The following CHST5 variants were observed in gnomAD, a reference collection of about 807,000 sequenced individuals.
CHST5 encodes carbohydrate sulfotransferase 5, also known as GST4-alpha.
For missense variants in CHST5, 637 were observed against 602.1 expected (o/e 1.06, Z -0.61); for synonymous variants, 313 against 279.2 (o/e 1.12, Z -1.21).
Position 75,531,490 on chromosome 16 carries a change from A to C in CHST5, c.-1106T>G. 3.1e-6 allele frequency: 4 copies of C among 1,289,678 alleles called. No individual in the cohort carries two copies. The highest frequency in any genetic ancestry group is 4.1e-6 in the Non-Finnish European group (4 of 980,064). The allele number at this position is 1,289,678 out of a possible 1,614,324, so 79.9% of individuals were successfully genotyped here. ...CCTGGAGCCCTGTGGGTTTGCAAGA[A>C]GATCAGTTGATGGGGAGCTGGGATG... On this transcript the variant is annotated 5_prime_UTR_variant, in exon 4 of 4. Coordinates refer to ENST00000336257, the MANE Select transcript of CHST5 (RefSeq NM_024533.5).
chr16:75,529,187 G>C lies in CHST5; in HGVS notation c.1198C>G (p.Arg400Gly). ...GCCCAGCTGAAGTGGTCTGGGCCTC[G>C]TGGCAGCACCAGATCCAGGGTGAGG... ...RDLTLDLVLPRGPDHFSWASP... is the reference protein window; with the variant it reads ...RDLTLDLVLPGGPDHFSWASP... The change falls in exon 4 of 4, where the codon CGA becomes GGA. Residue 400 changes from arginine (R) to glycine (G), a missense_variant. Coordinates refer to ENST00000336257, the MANE Select transcript of CHST5 (RefSeq NM_024533.5). 1 of 1,604,790 alleles carries C rather than the reference G, an allele frequency of 6.2e-7. No homozygotes were observed. The highest frequency in any genetic ancestry group is 8.5e-7 in the Non-Finnish European group (1 of 1,174,486).
In CHST5 at chr16:75,529,543, T is replaced by A; in HGVS notation, c.842A>T (p.Lys281Met). 1 of 1,609,906 alleles carries A rather than the reference T, an allele frequency of 6.2e-7. No individual in the cohort carries two copies. Among genetic ancestry groups the A allele is most frequent in the African/African-American group, 1.3e-5 (1 of 75,014 alleles). Residue 281 changes from lysine (K) to methionine (M), a missense_variant, in exon 4 of 4, where the codon AAG becomes ATG. Physicochemically the swap from Lys to Met is moderately conservative, Grantham distance 95 (BLOSUM62 -1). Coordinates refer to ENST00000336257, the MANE Select transcript of CHST5 (RefSeq NM_024533.5). ...HVRIAEAATLKPPPFLRGRYR... is the reference protein window; with the variant it reads ...HVRIAEAATLMPPPFLRGRYR... ...GCGGCCGCGCAGGAAGGGTGGCGGCTTGAGTGTGGCGGCCTCGGCGATGCG... is the reference window on the plus strand; with the variant it reads ...GCGGCCGCGCAGGAAGGGTGGCGGCATGAGTGTGGCGGCCTCGGCGATGCG...
intron 2 of CHST5, among the ~76,000 whole-genome samples, chr16:75,533,980 A>G (rs543891430): frequency 6.7e-6 from 1 of 148,162 alleles, no homozygotes; most frequent in South Asian, 2.2e-4. Context: ...CACAGGTTAC[A>G]GTGGCCGAGA....
chr16:75,532,085 TG>T (rs968075948), intron 3 of CHST5, among the ~76,000 whole-genome samples: 1 of 152,140 alleles, frequency 6.6e-6, no homozygotes, highest in African/African-American at 2.4e-5. Flanking sequence ...GGGGAGGGCC[TG>T]GGGAAGCATT....
In CHST5 at chr16:75,529,741, A is replaced by G. The variant is rs1182267165; in HGVS notation, c.644T>C (p.Leu215Pro). ...VLYPLLSDPA[L>P]NLRIVHLVRD... ...CACCAGGTGCACGATGCGCAGGTTG[A>G]GCGCGGGGTCGCTGAGCAGCGGGTA... Residue 215 changes from leucine to proline, a missense_variant, in exon 4 of 4, where the codon CTC (leucine) becomes CCC (proline). Transcript: ENST00000336257. 2 of 1,613,160 alleles carry G rather than the reference A, an allele frequency of 1.2e-6. No homozygotes were observed. Among genetic ancestry groups the G allele is most frequent in the East Asian group, 4.5e-5 (2 of 44,852 alleles).
In CHST5 at chr16:75,530,045, C is replaced by T. The variant is rs572591635; in HGVS notation, c.340G>A (p.Val114Met). 7 of 1,613,432 alleles carry T rather than the reference C, an allele frequency of 4.3e-6. No individual in the cohort carries two copies. Among genetic ancestry groups the T allele is most frequent in the Middle Eastern group, 1.6e-4 (1 of 6,062 alleles). Residue 114 changes from valine to methionine, a missense_variant, in exon 4 of 4, where the codon GTG (valine) becomes ATG (methionine). Transcript: ENST00000336257. ...AAGATAGAGCGCATCAGGTCGCGCA[C>T]GGCCATGTGCAGCGTTGCCGCGCTG... ...QGSAATLHMA[V>M]RDLMRSIFLC...
At chr16:75,535,811 G>T (rs1387471515) in intron 1 of CHST5, among the ~76,000 whole-genome samples, 4 of 152,206 alleles carry the variant, frequency 2.6e-5, no homozygotes, top group African/African-American at 9.6e-5. Flanking sequence ...GTCAAAGGAC[G>T]CTGGCAGAGT....
Position 75,529,923 on chromosome 16 carries a change from C to T in CHST5, c.462G>A (p.Pro154=). ...CTCGGGGAAAGGCGCTGCAGGCGGG[C>T]GGCGAGCACAGCGCGCGGCTCGTTG... ...NWATSRALCS[P]PACSAFPRGT... Residue 154 remains proline (P), a synonymous_variant, in exon 4 of 4, where the codon CCG becomes CCA. Transcript: ENST00000336257. 1 of 1,613,180 alleles carries T rather than the reference C, an allele frequency of 6.2e-7. No individual in the cohort carries two copies. The highest frequency in any genetic ancestry group is 1.7e-5 in the Admixed American group (1 of 60,006).
Position 75,530,192 on chromosome 16 carries a change from CG to C in CHST5, c.192del (p.His64GlnfsTer28). The C allele has an allele frequency of 6.2e-7, 1 of 1,613,652 alleles. No individual in the cohort carries two copies. ...GAGCGCCACGAGGACAGCACCAGCA[CG>C]TGCACACGATCCTCGCCGCCGGCTG... Reference protein sequence around the residue: ...SSPAGGEDRVHVLVLSSWRSG... With the variant: ...SSPAGGEDRVXVLVLSSWRSG... On this transcript the variant is annotated frameshift_variant, in exon 4 of 4. Coordinates refer to ENST00000336257, the MANE Select transcript of CHST5 (RefSeq NM_024533.5). LOFTEE classifies it low-confidence loss of function (END_TRUNC).
Position 75,529,226 on chromosome 16 carries a change from C to G in CHST5, c.1159G>C (p.Asp387His). The G allele has an allele frequency of 6.2e-7, 1 of 1,612,780 alleles. No individual in the cohort carries two copies. Among genetic ancestry groups the G allele is most frequent in the South Asian group, 1.1e-5 (1 of 91,024 alleles). Residue 387 changes from aspartate (D) to histidine (H), a missense_variant, in exon 4 of 4, where the codon GAC becomes CAC. Physicochemically the swap from Asp to His is moderately conservative, Grantham distance 81. Coordinates refer to ENST00000336257, the MANE Select transcript of CHST5 (RefSeq NM_024533.5). ...LLGYRPVYSA[D>H]QQRDLTLDLV... ...TCCAGGGTGAGGTCACGCTGCTGGT[C>G]CGCAGAGTACACAGGCCGGTAGCCC...
At position 75,531,038 on chromosome 16, in the gene CHST5, G is replaced by T. The variant is rs2080515122; in HGVS notation, c.-654C>A. The T allele has an allele frequency of 2.0e-6, 2 of 1,000,946 alleles. No homozygotes were observed. The highest frequency in any genetic ancestry group is 1.7e-5 in the African/African-American group (1 of 57,186). 62.0% of individuals were successfully genotyped at this position (1,000,946 alleles called of 1,614,324 possible). On this transcript the variant is annotated 5_prime_UTR_variant, in exon 4 of 4. Transcript: ENST00000336257. ...TTTAACAGGCAGGTATAAAACTTTT[G>T]TCAGCCAGGCGCGGTGGCTCACGCC...
chr16:75,531,338 C>CAAA lies in CHST5; in HGVS notation c.-955_-954insTTT. ...TCCGTTTCAAAAAAAAAAAAAAAAA[C>CAAA]AACAAAAAAAAAACTTTTGTCATTA... On this transcript the variant is annotated 5_prime_UTR_variant, in exon 4 of 4. Transcript: ENST00000336257. 1.3e-6 allele frequency: 1 copy of CAAA among 779,568 alleles called. No individual in the cohort carries two copies. Among genetic ancestry groups the CAAA allele is most frequent in the African/African-American group, 2.1e-5 (1 of 46,622 alleles). The allele number at this position is 779,568 out of a possible 1,614,324, so 48.3% of individuals were successfully genotyped here.
At chr16:75,532,949 G>T in intron 3 of CHST5, 140 bp downstream of exon 3, 1 of 547,696 alleles carries the variant, frequency 1.8e-6, no homozygotes, top group Non-Finnish European at 3.2e-6. Context: ...TCTGATCCCA[G>T]GCTGTGGGCC....
rs1324804773 is a variant in CHST5, at chr16:75,533,177, G to C, written c.-1345C>G. 2 of 702,270 alleles carry C rather than the reference G, an allele frequency of 2.8e-6. No individual in the cohort carries two copies. Among genetic ancestry groups the C allele is most frequent in the Admixed American group, 2.0e-5 (1 of 49,986 alleles). 43.5% of individuals were successfully genotyped at this position (702,270 alleles called of 1,614,324 possible). A position where few individuals can be genotyped will look rare whatever the true frequency, so the allele number is the denominator to read the frequency against. ...CTCCAGAAGACCAGTTCCTCACTGG[G>C]AGCTTTCTGATAAGGAGACTTACAT... On this transcript the variant is annotated 5_prime_UTR_variant, in exon 3 of 4. Transcript: ENST00000336257.
rs1337912061 is a variant in CHST5, at chr16:75,530,320, A to T, written c.65T>A (p.Met22Lys). Residue 22 changes from methionine to lysine, a missense_variant, in exon 4 of 4, where the codon ATG becomes AAG. Coordinates refer to ENST00000336257, the MANE Select transcript of CHST5 (RefSeq NM_024533.5). ...HSTRRPPAAR[M>K]WLPRFSSKTV... ...CTTGCTGGAGAACCGTGGCAGCCAC[A>T]TGCGGGCGGCTGGGGGCCTTCGGGT... 3 of 1,604,416 alleles carry T rather than the reference A, an allele frequency of 1.9e-6. No individual in the cohort carries two copies. Among genetic ancestry groups the T allele is most frequent in the Non-Finnish European group, 1.7e-6 (2 of 1,176,064 alleles).
At chr16:75,535,481 AC>A (rs1384655903) in intron 1 of CHST5, among the ~76,000 whole-genome samples, 72 bp from the exon 2 acceptor site, 1 of 152,040 alleles carries the variant, frequency 6.6e-6, no homozygotes, top group Non-Finnish European at 1.5e-5. Context: ...ACAGGGAAGG[AC>A]CCGGCGCAGA....
At position 75,529,494 on chromosome 16, in the gene CHST5, G is replaced by T; in HGVS notation, c.891C>A (p.Asp297Glu). 1 of 1,611,604 alleles carries T rather than the reference G, an allele frequency of 6.2e-7. No individual in the cohort carries two copies. The highest frequency in any genetic ancestry group is 8.5e-7 in the Non-Finnish European group (1 of 1,179,742). The change falls in exon 4 of 4, where the codon GAC becomes GAA. Residue 297 changes from aspartate (D) to glutamate (E), a missense_variant. Coordinates refer to ENST00000336257, the MANE Select transcript of CHST5 (RefSeq NM_024533.5). ...TCTCTGCCAGCGGCTCCCGCGCCAG[G>T]TCCTCGAAGCGCACCAGGCGGTAGC... ...RGRYRLVRFE[D>E]LAREPLAEIR...
Position 75,529,896 on chromosome 16 carries a change from G to T in CHST5, c.489C>A (p.Gly163=). Residue 163 remains glycine (G), a synonymous_variant, in exon 4 of 4, where the codon GGC becomes GGA. Transcript: ENST00000336257. ...SPPACSAFPR[G]TISKQDVCKT... is the part of the protein sequence containing the mutation. ...TGCATACGTCCTGCTTGCTGATGGT[G>T]CCTCGGGGAAAGGCGCTGCAGGCGG... is the stretch of plus-strand genomic sequence containing the variant. The T allele has an allele frequency of 1.2e-6, 2 of 1,613,486 alleles. No individual in the cohort carries two copies. Among genetic ancestry groups the T allele is most frequent in the Non-Finnish European group, 1.7e-6 (2 of 1,179,946 alleles).
intron 2 of CHST5, among the ~76,000 whole-genome samples, chr16:75,533,998 A>C (rs1198467722): frequency 1.4e-5 from 2 of 141,814 alleles, no homozygotes; most frequent in African/African-American, 5.4e-5. Context: ...AGATTGTGCC[A>C]TTGCACTCTA....
Sources: gnomAD v4.1 joint callset for allele counts (sites outside exome capture counted in the v4.1 genomes callset) on GRCh38, gnomAD v4.1.1 for gene constraint, MANE v1.5 for transcripts, NCBI Gene and HGNC (gene_info 2026-07-23, HGNC 2026-07-21) for gene names.